The following NAV3 variants were observed in gnomAD, a reference collection of about 807,000 sequenced individuals.
NAV3 encodes neuron navigator 3.
A neutral mutation model predicts 244.7 loss-of-function variants in NAV3; 87 were observed. The observed-to-expected ratio is 0.36, with a 90% CI of 0.30 to 0.42. The LOEUF (loss-of-function observed/expected upper bound fraction) is 0.42, where lower values mean the gene tolerates loss of function less well. Among genes scored for constraint, NAV3 ranks in the 20% least tolerant of loss-of-function variants. The pLI, the probability that NAV3 is intolerant of heterozygous loss-of-function variation, is 1.00. For missense variants in NAV3, 2,663 were observed against 2,893.3 expected, an observed-to-expected ratio of 0.92 and a Z score of 1.83; for synonymous variants, 1,126 against 1,042.2, an observed-to-expected ratio of 1.08 and a Z score of -1.55.
intron 12 of NAV3, among the ~76,000 whole-genome samples, chr12:78,080,712 A>G (rs755540833): frequency 6.6e-6 from 1 of 152,216 alleles, no homozygotes; most frequent in Non-Finnish European, 1.5e-5. Flanking sequence ...GTTCAAATTG[A>G]CACTGGCAGT....
At chr12:77,614,909 G>A (rs918218990) in intron 2 of NAV3, among the ~76,000 whole-genome samples, 1 of 152,160 alleles carries the variant, frequency 6.6e-6, no homozygotes, top group Non-Finnish European at 1.5e-5. Context: ...CAGGAGAGCA[G>A]CTACTAATCC....
intron 2 of NAV3, among the ~76,000 whole-genome samples, chr12:77,617,410 T>C (rs11836730): frequency 0.036 from 5,459 of 152,184 alleles, 184 homozygotes; most frequent in African/African-American, 0.084. Flanking sequence ...TTCCTTTGGA[T>C]TACTTGTCCT....
chr12:78,208,892 T>C (rs1200167565), intron 39 of NAV3, among the ~76,000 whole-genome samples: 2 of 152,084 alleles, frequency 1.3e-5, no homozygotes, highest in Non-Finnish European at 2.9e-5. Context: ...CAGCTGCTAA[T>C]GAGTGACAGA....
At chr12:78,053,349 A>G (rs1488269844) in intron 11 of NAV3, among the ~76,000 whole-genome samples, 1 of 152,102 alleles carries the variant, frequency 6.6e-6, no homozygotes, top group Non-Finnish European at 1.5e-5. Flanking sequence ...CAAACACTGC[A>G]TTAGTGAATC....
At chr12:78,044,500 G>C (rs1480176051) in intron 9 of NAV3, among the ~76,000 whole-genome samples, 4 of 152,030 alleles carry the variant, frequency 2.6e-5, no homozygotes, top group Non-Finnish European at 2.9e-5. Context: ...GGATAGCATT[G>C]AATCTCTAAA....
At chr12:77,967,370 T>C (rs1159903367) in intron 4 of NAV3, among the ~76,000 whole-genome samples, 1 of 152,112 alleles carries the variant, frequency 6.6e-6, no homozygotes, top group African/African-American at 2.4e-5. Flanking sequence ...ACTCTCTCAC[T>C]GTAGCCTCAG....
At chr12:77,720,429 G>A (rs1358568079) in intron 2 of NAV3, among the ~76,000 whole-genome samples, 4 of 152,036 alleles carry the variant, frequency 2.6e-5, no homozygotes. Flanking sequence ...GGATTTACTG[G>A]CTTCTTTTTG....
chr12:78,137,130 ATCTT>A lies in NAV3; in HGVS notation c.4442-44_4442-41del. 2.0e-6 allele frequency: 3 copies of A among 1,526,446 alleles called. No individual in the cohort carries two copies. In the South Asian group the frequency reaches 3.8e-5, roughly 19 times the overall value. 94.6% of individuals were successfully genotyped at this position (1,526,446 alleles called of 1,614,324 possible). A position where few individuals can be genotyped will look rare whatever the true frequency, so the allele number is the denominator to read the frequency against. ...TACTTTCTATCAACCTGCTATTTTC[ATCTT>A]TCAAGCTTAAGAGTAATAGGCTCTG... On this transcript the variant is annotated intron_variant, in intron 18 of 39. Coordinates refer to ENST00000397909, the MANE Select transcript of NAV3 (RefSeq NM_001024383.2).
intron 11 of NAV3, among the ~76,000 whole-genome samples, chr12:78,055,029 A>G (rs1447632727): frequency 6.6e-6 from 1 of 152,170 alleles, no homozygotes; most frequent in Non-Finnish European, 1.5e-5. Context: ...TGAATTATGT[A>G]TATATGTATG....
intron 2 of NAV3, among the ~76,000 whole-genome samples, chr12:77,649,271 G>A (rs565997773): frequency 6.6e-6 from 1 of 152,068 alleles, no homozygotes; most frequent in Non-Finnish European, 1.5e-5. Flanking sequence ...TACATAGGTG[G>A]TCATTTGATC....
intron 2 of NAV3, among the ~76,000 whole-genome samples, chr12:77,735,858 CAT>C (rs1458957150): frequency 6.6e-6 from 1 of 152,120 alleles, no homozygotes; most frequent in Admixed American, 6.5e-5. Context: ...AAAAATAAAA[CAT>C]ATATTTAGAA....
At chr12:77,575,933 C>T (rs868758302) in intron 2 of NAV3, among the ~76,000 whole-genome samples, 3 of 152,080 alleles carry the variant, frequency 2.0e-5, no homozygotes, top group Non-Finnish European at 4.4e-5. Context: ...TTCCGTAAAC[C>T]GGAAAGACAT....
chr12:77,624,142 G>A (rs1348642957), intron 2 of NAV3, among the ~76,000 whole-genome samples: 1 of 152,096 alleles, frequency 6.6e-6, no homozygotes, highest in African/African-American at 2.4e-5. Flanking sequence ...ATTTTAGAAG[G>A]GCTAACCAGG....
intron 2 of NAV3, among the ~76,000 whole-genome samples, chr12:77,806,418 T>C (rs143749991): frequency 0.021 from 3,201 of 152,284 alleles, 105 homozygotes; most frequent in African/African-American, 0.074. Flanking sequence ...TTCATTTTGT[T>C]ATTTACCCAG....
intron 2 of NAV3, among the ~76,000 whole-genome samples, chr12:77,710,431 A>C (rs990824293): frequency 2.0e-5 from 3 of 150,388 alleles, no homozygotes; most frequent in Non-Finnish European, 4.4e-5. Flanking sequence ...GATTAAAATA[A>C]AAATAAAAAA....
chr12:77,696,365 G>A (rs1218571829), intron 2 of NAV3, among the ~76,000 whole-genome samples: 1 of 152,122 alleles, frequency 6.6e-6, no homozygotes, highest in Non-Finnish European at 1.5e-5. Flanking sequence ...AGACTCATGT[G>A]GTGAGAAAGT....
intron 12 of NAV3, among the ~76,000 whole-genome samples, chr12:78,095,248 A>T (rs537615592): frequency 7.9e-5 from 12 of 152,072 alleles, no homozygotes; most frequent in Non-Finnish European, 1.5e-4. Flanking sequence ...AATGTCTTAC[A>T]ATTTATGTAG....
intron 3 of NAV3, among the ~76,000 whole-genome samples, chr12:77,954,853 A>G (rs1312484353): frequency 6.6e-6 from 1 of 152,206 alleles, no homozygotes; most frequent in Non-Finnish European, 1.5e-5. Context: ...AATTTTTATT[A>G]CTATCTGTTA....
chr12:77,634,458 C>CATT (rs1362792307), intron 2 of NAV3, among the ~76,000 whole-genome samples: 2 of 152,158 alleles, frequency 1.3e-5, no homozygotes, highest in Admixed American at 6.5e-5. Flanking sequence ...ATATCATAAA[C>CATT]ATTACTACAA....
Sources: allele counts gnomAD v4.1 joint callset (sites outside exome capture counted in the v4.1 genomes callset), GRCh38; gene constraint gnomAD v4.1.1; transcripts MANE v1.5; gene names NCBI Gene and HGNC (gene_info 2026-07-23, HGNC 2026-07-21).